SLC9C2: variants seen among roughly 807,000 people sequenced by gnomAD.
SLC9C2 encodes the protein solute carrier family 9 member C2 (putative), also known as sodium/hydrogen exchanger 11.
A neutral mutation model predicts 140.2 loss-of-function variants in SLC9C2; 75 were observed. The ratio of observed to expected loss-of-function variants is 0.53; its 90% CI spans 0.44 to 0.65. The LOEUF (loss-of-function observed/expected upper bound fraction) is 0.65, where lower values mean the gene tolerates loss of function less well. SLC9C2 is among the 30% of genes least tolerant of loss of function. The probability of loss-of-function intolerance (pLI) is 0.00; values close to 1 mark genes in which losing one functional copy is unlikely to be tolerated. For missense variants in SLC9C2, 1,074 were observed against 1,331.8 expected, an observed-to-expected ratio of 0.81 and a Z score of 3.01; for synonymous variants, 375 against 420.9, an observed-to-expected ratio of 0.89 and a Z score of 1.34.
chr1:173,562,358 T>C (rs1233455893), intron 9 of SLC9C2, among the ~76,000 whole-genome samples: 4 of 152,216 alleles, frequency 2.6e-5, no homozygotes, highest in Admixed American at 6.5e-5. Flanking sequence ...TTATCATAAA[T>C]GCAAGCAATC....
intron 26 of SLC9C2, among the ~76,000 whole-genome samples, chr1:173,503,998 G>A (rs934691143): frequency 2.0e-5 from 3 of 152,196 alleles, no homozygotes; most frequent in Non-Finnish European, 4.4e-5. Flanking sequence ...TAAGATCTCT[G>A]ACTCAATAGC....
At chr1:173,525,285 C>T (rs528077369) in intron 19 of SLC9C2, among the ~76,000 whole-genome samples, 1 of 152,274 alleles carries the variant, frequency 6.6e-6, no homozygotes, top group African/African-American at 2.4e-5. Context: ...ATAAATGACA[C>T]AATGAAAGTA....
intron 8 of SLC9C2, 141 bp from the exon 9 acceptor site, chr1:173,573,466 T>A (rs1664968594): frequency 1.7e-6 from 1 of 588,440 alleles, no homozygotes; most frequent in Non-Finnish European, 2.7e-6. Flanking sequence ...TAGTCAACAT[T>A]TAAAAGAATT....
In SLC9C2 at chr1:173,517,937, C is replaced by T. The variant is rs145388079; in HGVS notation, c.2740-233G>A. Among the ~76,000 whole-genome samples, 209 of 152,226 alleles carry T rather than the reference C, an allele frequency of 1.4e-3. 2 individuals are homozygous for T. Among genetic ancestry groups the T allele is most frequent in the Non-Finnish European group, 2.4e-3 (162 of 67,996 alleles). ...TAGTTTTACAGATGACCCCTATTTA[C>T]AACTTTCTACTTATACCTGTCTTAT... On this transcript the variant is annotated intron_variant, in intron 22 of 27. Transcript: ENST00000367714.
intron 18 of SLC9C2, among the ~76,000 whole-genome samples, chr1:173,529,043 G>A (rs1661391783): frequency 6.6e-6 from 1 of 152,020 alleles, no homozygotes; most frequent in Non-Finnish European, 1.5e-5. Context: ...GTTATGAAAA[G>A]GAAGCAACCA....
chr1:173,587,852 A>G, intron 4 of SLC9C2, 22 bp from the exon 5 acceptor site: 1 of 1,578,912 alleles, frequency 6.3e-7, no homozygotes, highest in Non-Finnish European at 8.6e-7. Context: ...TTCATAACAC[A>G]GTATTAGACT....
At chr1:173,518,586 G>T (rs748252911) in intron 22 of SLC9C2, among the ~76,000 whole-genome samples, 4 of 152,258 alleles carry the variant, frequency 2.6e-5, no homozygotes, top group African/African-American at 4.8e-5. Flanking sequence ...AGAAAGAACC[G>T]CGGTATCAGA....
chr1:173,517,075 G>A (rs139154934), intron 23 of SLC9C2, among the ~76,000 whole-genome samples: 52 of 152,106 alleles, frequency 3.4e-4, no homozygotes, highest in African/African-American at 1.2e-3. Context: ...GTTATGTTGA[G>A]CTTTTTTTCA....
chr1:173,564,382 G>T (rs1229027621), intron 9 of SLC9C2, among the ~76,000 whole-genome samples: 1 of 152,006 alleles, frequency 6.6e-6, no homozygotes, highest in Non-Finnish European at 1.5e-5. Context: ...CTGTCTTTTG[G>T]ATAAAAGCCA....
Position 173,501,099 on chromosome 1 carries a change from T to C in SLC9C2, c.3372-2A>G. 1 of 1,533,724 alleles carries C rather than the reference T, an allele frequency of 6.5e-7. No homozygotes were observed. The highest frequency in any genetic ancestry group is 8.8e-7 in the Non-Finnish European group (1 of 1,139,402). Reference sequence around the variant, plus strand: ...TCTAAAATGGTATCCAGTTTTCAACTATAAAAGAAAGTCAAAAGTTAAATA... The same window carrying C: ...TCTAAAATGGTATCCAGTTTTCAACCATAAAAGAAAGTCAAAAGTTAAATA... On this transcript the variant is annotated splice_acceptor_variant, in intron 27 of 27. Transcript: ENST00000367714. LOFTEE classifies it high-confidence loss of function.
chr1:173,581,216 G>C (rs949313197), intron 7 of SLC9C2, among the ~76,000 whole-genome samples: 1 of 152,168 alleles, frequency 6.6e-6, no homozygotes, highest in African/African-American at 2.4e-5. Context: ...TGACAGTTTG[G>C]CCACAGTTAC....
chr1:173,510,803 C>T (rs1659990136), intron 23 of SLC9C2, among the ~76,000 whole-genome samples: 1 of 152,138 alleles, frequency 6.6e-6, no homozygotes, highest in African/African-American at 2.4e-5. Flanking sequence ...CATACATGTG[C>T]ATGTGTCTTT....
At chr1:173,548,584 A>G in intron 11 of SLC9C2, 32 bp from the exon 12 acceptor site, 4 of 1,612,210 alleles carry the variant, frequency 2.5e-6, no homozygotes, top group East Asian at 2.2e-5. Flanking sequence ...AGGCCTTAAT[A>G]GAGTACAGTG....
chr1:173,535,319 G>A (rs1474773026), intron 15 of SLC9C2, among the ~76,000 whole-genome samples: 1 of 152,146 alleles, frequency 6.6e-6, no homozygotes, highest in Non-Finnish European at 1.5e-5. Context: ...TAAAAAGTAT[G>A]TAAGCTCACA....
At chr1:173,573,806 T>A (rs985167237) in intron 8 of SLC9C2, among the ~76,000 whole-genome samples, 9 of 152,222 alleles carry the variant, frequency 5.9e-5, no homozygotes, top group Admixed American at 6.5e-5. Context: ...AAGTCTCTCC[T>A]GTCTGCTTTC....
chr1:173,561,850 CACACAGACACAG>C (rs150057538), intron 9 of SLC9C2, among the ~76,000 whole-genome samples: 1 of 124,226 alleles, frequency 8.0e-6, no homozygotes, highest in Admixed American at 7.6e-5. Flanking sequence ...GATACACACA[CACACAGACACAG>C]ACACACACAC....
chr1:173,506,023 G>A (rs890729335), intron 25 of SLC9C2, among the ~76,000 whole-genome samples: 6 of 152,156 alleles, frequency 3.9e-5, no homozygotes, highest in Admixed American at 3.3e-4. Context: ...TCCATCCTTT[G>A]TTTCAAAGCT....
intron 9 of SLC9C2, among the ~76,000 whole-genome samples, chr1:173,562,105 A>G (rs1416568799): frequency 3.3e-5 from 5 of 152,170 alleles, no homozygotes; most frequent in African/African-American, 1.2e-4. Context: ...ACTCTATAGG[A>G]AAAAAATTCA....
chr1:173,577,648 ATAAAATAGGTG>A (rs1665262183), intron 7 of SLC9C2, among the ~76,000 whole-genome samples: 1 of 152,206 alleles, frequency 6.6e-6, no homozygotes, highest in Non-Finnish European at 1.5e-5. Context: ...CCCCGTAACT[ATAAAATAGGTG>A]TAAAATAGTT....
Sources: gnomAD v4.1 joint callset for allele counts (sites outside exome capture counted in the v4.1 genomes callset) on GRCh38, gnomAD v4.1.1 for gene constraint, MANE v1.5 for transcripts, NCBI Gene and HGNC (gene_info 2026-07-23, HGNC 2026-07-21) for gene names.